The following TRIM71 variants were observed in gnomAD, a reference collection of about 807,000 sequenced individuals.
TRIM71 encodes the protein tripartite motif containing 71, also known as E3 ubiquitin-protein ligase TRIM71.
TRIM71 carries 9 observed loss-of-function variants against 61.2 expected under a neutral mutation model. The observed-to-expected ratio is 0.15, with a 90% CI of 0.09 to 0.26. The LOEUF (loss-of-function observed/expected upper bound fraction) is 0.26. Among genes scored for constraint, TRIM71 ranks in the 10% least tolerant of loss-of-function variants. The pLI is 1.00. For synonymous variants in TRIM71, 645 were observed against 553.2 expected, an observed-to-expected ratio of 1.17 and a Z score of -2.33; for missense variants, 998 against 1,238.7, an observed-to-expected ratio of 0.81 and a Z score of 2.92.
At chr3:32,833,184 T>A (rs201476967) in intron 1 of TRIM71, among the ~76,000 whole-genome samples, 28 of 54,428 alleles carry the variant, frequency 5.1e-4, no homozygotes, top group South Asian at 2.1e-3. Flanking sequence ...ACTCTGTCTT[T>A]AAAAAAAAAA....
chr3:32,840,222 C>T (rs749167539), intron 1 of TRIM71, among the ~76,000 whole-genome samples: 6 of 151,714 alleles, frequency 4.0e-5, no homozygotes, highest in Non-Finnish European at 8.8e-5. Flanking sequence ...ATTCCTTTTC[C>T]CCACCCCCCT....
intron 2 of TRIM71, among the ~76,000 whole-genome samples, chr3:32,883,187 A>G (rs1017607291): frequency 5.9e-5 from 9 of 152,366 alleles, no homozygotes; most frequent in Admixed American, 2.0e-4. Flanking sequence ...AAATGTATCA[A>G]TGCTATTATG....
intron 1 of TRIM71, among the ~76,000 whole-genome samples, chr3:32,856,103 C>T (rs552875302): frequency 4.1e-4 from 63 of 152,120 alleles, no homozygotes; most frequent in Non-Finnish European, 7.6e-4. Context: ...CTGCAAGCTC[C>T]GCCTCCTGGG....
At position 32,891,636 on chromosome 3, in the gene TRIM71, C is replaced by G. The variant is rs1267891814; in HGVS notation, c.2432C>G (p.Ala811Gly). 4 of 1,612,896 alleles carry G rather than the reference C, an allele frequency of 2.5e-6. No homozygotes were observed. Among genetic ancestry groups the G allele is most frequent in the South Asian group, 2.2e-5 (2 of 90,918 alleles). ...GACCAGGAAGGGCGCATCATTGTGG[C>G]GGATTCCAGGAACCATCGGGTACAG... is the stretch of plus-strand genomic sequence containing the variant. ...AVDQEGRIIV[A>G]DSRNHRVQMF... The change falls in exon 4 of 4, where the codon GCG (alanine) becomes GGG (glycine). Residue 811 changes from alanine (A) to glycine (G), a missense_variant. Transcript: ENST00000383763. This position sits in a 1 kb window ranked among gnomAD's most constrained non-coding sequence, Gnocchi z 8.2.
In TRIM71 at chr3:32,833,444, G is replaced by C. The variant is rs1032225049; in HGVS notation, c.852+14512G>C. On this transcript the variant is annotated intron_variant, in intron 1 of 3. Transcript: ENST00000383763. Reference sequence around the variant, plus strand: ...AATAAGATGATTCCCTGCCTTTGCTGTGTCCTTAATCTGCTTCTGACTGGA... The same window carrying C: ...AATAAGATGATTCCCTGCCTTTGCTCTGTCCTTAATCTGCTTCTGACTGGA... Among the ~76,000 whole-genome samples, 58 of 151,886 alleles carry C rather than the reference G, an allele frequency of 3.8e-4. 2 individuals are homozygous for C. The highest frequency in any genetic ancestry group is 7.4e-5 in the Non-Finnish European group (5 of 67,970).
chr3:32,886,436 C>G (rs752104812), intron 3 of TRIM71, among the ~76,000 whole-genome samples: 1 of 152,278 alleles, frequency 6.6e-6, no homozygotes, highest in South Asian at 2.1e-4. Flanking sequence ...GTTGCACTTC[C>G]TGACCTCTTG....
In TRIM71 at chr3:32,892,150, GGCATGATAT is replaced by G. The variant is rs1254143587; in HGVS notation, c.*343_*351del. 1.6e-5 allele frequency: 4 copies of G among 253,096 alleles called. No individual in the cohort carries two copies. The highest frequency in any genetic ancestry group is 3.0e-5 in the Non-Finnish European group (4 of 132,584). The allele number at this position is 253,096 out of a possible 1,614,324, so 15.7% of individuals were successfully genotyped here. Reference sequence around the variant, plus strand: ...TGCATTTCCCTCTTCCCCTGCGTGGGGCATGATATGCACAAGCCTGGCATCTGTATGGCT... The same window carrying G: ...TGCATTTCCCTCTTCCCCTGCGTGGGGCACAAGCCTGGCATCTGTATGGCT... On this transcript the variant is annotated 3_prime_UTR_variant, in exon 4 of 4. Transcript: ENST00000383763.
At chr3:32,868,698 T>A (rs528281776) in intron 1 of TRIM71, among the ~76,000 whole-genome samples, 4 of 151,546 alleles carry the variant, frequency 2.6e-5, no homozygotes, top group African/African-American at 7.3e-5. Context: ...TTTTTTTTTT[T>A]TTAAAAAACT....
chr3:32,826,736 A>G (rs889635992), intron 1 of TRIM71, among the ~76,000 whole-genome samples: 2 of 146,780 alleles, frequency 1.4e-5, no homozygotes, highest in Non-Finnish European at 3.0e-5. Context: ...GTGAGCCACC[A>G]CACCCGGTCA....
At chr3:32,842,745 G>T (rs1052792243) in intron 1 of TRIM71, among the ~76,000 whole-genome samples, 1 of 152,050 alleles carries the variant, frequency 6.6e-6, no homozygotes, top group Non-Finnish European at 1.5e-5. Context: ...GCCAGGTGTA[G>T]GCTCTTCTGA....
At position 32,882,486 on chromosome 3, in the gene TRIM71, G is replaced by C. The variant is rs1462404064; in HGVS notation, c.1021-3448G>C. On this transcript the variant is annotated intron_variant, in intron 2 of 3. Coordinates refer to ENST00000383763, the MANE Select transcript of TRIM71 (RefSeq NM_001039111.3). Reference sequence around the variant, plus strand: ...GGGGCTGTGACTCTTCAAACTACATGTATGGGAAAAGGACTTCTTCCCTTT... The same window carrying C: ...GGGGCTGTGACTCTTCAAACTACATCTATGGGAAAAGGACTTCTTCCCTTT... Among the ~76,000 whole-genome samples, 5 of 152,072 alleles carry C rather than the reference G, an allele frequency of 3.3e-5. No individual in the cohort carries two copies. The East Asian group carries it at 9.6e-4, about 29-fold the overall frequency.
At chr3:32,874,568 G>A (rs1696834672) in intron 2 of TRIM71, among the ~76,000 whole-genome samples, 2 of 152,064 alleles carry the variant, frequency 1.3e-5, no homozygotes, top group African/African-American at 4.8e-5. Flanking sequence ...TGTTGCCCAG[G>A]CTGGAGTGCA....
chr3:32,863,819 C>G (rs549284980), intron 1 of TRIM71, among the ~76,000 whole-genome samples: 2 of 151,914 alleles, frequency 1.3e-5, no homozygotes, highest in African/African-American at 4.8e-5. Context: ...GTAGCTGGAA[C>G]CACAGGTGCC....
At chr3:32,819,274 TCCTGC>T (rs1696101289) in intron 1 of TRIM71, among the ~76,000 whole-genome samples, 2 of 966 alleles carry the variant, frequency 2.1e-3, no homozygotes, top group Non-Finnish European at 4.9e-3. Context: ...CGTGGCCTGC[TCCTGC>T]TCTTGTGGGC....
intron 1 of TRIM71, among the ~76,000 whole-genome samples, chr3:32,826,570 A>G (rs541241841): frequency 7.5e-6 from 1 of 132,900 alleles, no homozygotes; most frequent in Non-Finnish European, 1.6e-5. Context: ...TTTAATTCCC[A>G]TCAGGTGAGT....
intron 1 of TRIM71, among the ~76,000 whole-genome samples, chr3:32,849,506 G>GCAC (rs920292117): frequency 9.2e-5 from 14 of 152,234 alleles, no homozygotes; most frequent in African/African-American, 3.4e-4. Context: ...TTACAGGCGT[G>GCAC]CACCACCACG....
rs534990866 is a variant in TRIM71 at position 32,892,669 on chromosome 3, T to C, written c.*858T>C. On this transcript the variant is annotated 3_prime_UTR_variant, in exon 4 of 4. Coordinates refer to ENST00000383763, the MANE Select transcript of TRIM71 (RefSeq NM_001039111.3). ...CAAAGAACCTCTCCTTTTCACACTT[T>C]GGTTTCTTAAAAAAGTATATAGATG... 1 of 152,330 alleles carries C rather than the reference T, an allele frequency of 6.6e-6. No homozygotes were observed. The highest frequency in any genetic ancestry group is 1.5e-5 in the Non-Finnish European group (1 of 68,028). The allele number at this position is 152,330 out of a possible 1,614,324, so 9.4% of individuals were successfully genotyped here. A position where few individuals can be genotyped will look rare whatever the true frequency, so the allele number is the denominator to read the frequency against.
chr3:32,887,156 C>G (rs1039984092), intron 3 of TRIM71, among the ~76,000 whole-genome samples: 2 of 152,156 alleles, frequency 1.3e-5, no homozygotes, highest in African/African-American at 4.8e-5. Context: ...GCCACAAACT[C>G]GCTCTTCTGG....
chr3:32,880,965 T>C (rs1459345598), intron 2 of TRIM71, among the ~76,000 whole-genome samples: 1 of 152,088 alleles, frequency 6.6e-6, no homozygotes, highest in African/African-American at 2.4e-5. Flanking sequence ...CCACGGACAA[T>C]TTAGAGATGA....
Sources: allele counts gnomAD v4.1 joint callset (sites outside exome capture counted in the v4.1 genomes callset), GRCh38; gene constraint gnomAD v4.1.1; non-coding constraint Gnocchi (gnomAD v3.1); transcripts MANE v1.5; gene names NCBI Gene and HGNC (gene_info 2026-07-23, HGNC 2026-07-21).